The following MCTP1 variants were observed in gnomAD, a reference collection of about 807,000 sequenced individuals.
MCTP1 encodes multiple C2 and transmembrane domain containing 1.
MCTP1 carries 69 observed loss-of-function variants against 120.6 expected under a neutral mutation model. That is an observed-to-expected ratio of 0.57 (90% CI 0.47 to 0.70). The LOEUF (loss-of-function observed/expected upper bound fraction) is 0.70. Ranked by LOEUF, MCTP1 falls within the 30% of genes least tolerant of loss-of-function variation. The probability of loss-of-function intolerance (pLI) is 0.00; values close to 1 mark genes in which losing one functional copy is unlikely to be tolerated. For missense variants in MCTP1, 1,203 were observed against 1,248.8 expected (o/e 0.96, Z 0.55); for synonymous variants, 529 against 493.1 (o/e 1.07, Z -0.96).
chr5:94,890,004 AT>A (rs572313939), intron 11 of MCTP1, among the ~76,000 whole-genome samples: 188 of 152,110 alleles, frequency 1.2e-3, no homozygotes, highest in African/African-American at 4.3e-3. Flanking sequence ...TTTAAAATTT[AT>A]TTTTATTTTT....
chr5:94,938,992 G>A (rs1816884132), intron 5 of MCTP1, among the ~76,000 whole-genome samples: 1 of 151,950 alleles, frequency 6.6e-6, no homozygotes, highest in Admixed American at 6.6e-5. Context: ...TTATTATCTG[G>A]CAATTCTTAT....
chr5:94,748,652 C>CA (rs565272838), intron 19 of MCTP1, among the ~76,000 whole-genome samples: 71 of 152,322 alleles, frequency 4.7e-4, no homozygotes, highest in Non-Finnish European at 7.9e-4. Flanking sequence ...ATATAGTTAA[C>CA]ATTGCCTTGC....
rs1050743083 is a variant in MCTP1, at chr5:95,283,877, G to T, written c.699C>A (p.Gly233=). 5 of 1,377,208 alleles carry T rather than the reference G, an allele frequency of 3.6e-6. No homozygotes were observed. The highest frequency in any genetic ancestry group is 3.7e-6 in the Non-Finnish European group (4 of 1,074,632). The allele number at this position is 1,377,208 out of a possible 1,614,324, so 85.3% of individuals were successfully genotyped here. Residue 233 remains glycine, a synonymous_variant, in exon 1 of 23, where the codon GGC becomes GGA. Coordinates refer to ENST00000515393, the MANE Select transcript of MCTP1 (RefSeq NM_024717.7). ...TCACCTGGCTGCTGCCGTGCTCCTC[G>T]CCCGTCTCCGGGGCCCGAGACTCCG... ...SPAESRAPET[G]EEHGSSQKII...
chr5:94,883,301 C>T (rs1436288885), intron 12 of MCTP1, among the ~76,000 whole-genome samples: 1 of 152,116 alleles, frequency 6.6e-6, no homozygotes, highest in African/African-American at 2.4e-5. Flanking sequence ...AAAATGTCTT[C>T]TCATGGTACA....
chr5:95,133,792 G>A (rs1280362228), intron 1 of MCTP1, among the ~76,000 whole-genome samples: 1 of 152,228 alleles, frequency 6.6e-6, no homozygotes, highest in African/African-American at 2.4e-5. Flanking sequence ...ACTGGAAAGT[G>A]AAGCCACAGA....
chr5:95,257,765 G>A (rs138960103), intron 1 of MCTP1, among the ~76,000 whole-genome samples: 396 of 137,596 alleles, frequency 2.9e-3, no homozygotes, highest in African/African-American at 0.011. Context: ...TAATGGGACC[G>A]TAAAGAAGGA....
At chr5:94,726,092 T>C (rs1177393981) in intron 19 of MCTP1, among the ~76,000 whole-genome samples, 1 of 152,196 alleles carries the variant, frequency 6.6e-6, no homozygotes, top group African/African-American at 2.4e-5. Flanking sequence ...ACGAGGGTGA[T>C]GGATATTATT....
At chr5:95,215,408 A>G (rs531757535) in intron 1 of MCTP1, among the ~76,000 whole-genome samples, 13 of 152,326 alleles carry the variant, frequency 8.5e-5, no homozygotes, top group South Asian at 4.1e-4. Flanking sequence ...TCATAAGAGA[A>G]TGTCATTTTA....
chr5:95,171,571 T>C (rs1747294769), intron 1 of MCTP1, among the ~76,000 whole-genome samples: 1 of 152,252 alleles, frequency 6.6e-6, no homozygotes, highest in South Asian at 2.1e-4. Flanking sequence ...ATTTGGTCTT[T>C]TCGCATAGTC....
chr5:94,850,315 G>A (rs945059916), intron 17 of MCTP1, among the ~76,000 whole-genome samples: 13 of 152,122 alleles, frequency 8.5e-5, no homozygotes, highest in Non-Finnish European at 1.5e-4. Context: ...TAAGTAATCG[G>A]TAGGCTACAA....
At chr5:95,061,670 C>T (rs1749269243) in intron 1 of MCTP1, among the ~76,000 whole-genome samples, 1 of 151,578 alleles carries the variant, frequency 6.6e-6, no homozygotes. Flanking sequence ...CTCCTGACCT[C>T]GTGATCCGCC....
intron 2 of MCTP1, among the ~76,000 whole-genome samples, chr5:94,968,157 A>G (rs1826014162): frequency 6.6e-6 from 1 of 152,210 alleles, no homozygotes; most frequent in Non-Finnish European, 1.5e-5. Context: ...AAGTGTTTTT[A>G]CCAAGTATAT....
intron 1 of MCTP1, among the ~76,000 whole-genome samples, chr5:95,071,410 A>G (rs1398598654): frequency 6.6e-6 from 1 of 152,176 alleles, no homozygotes. Context: ...GGGAAACAAA[A>G]AGTAACTCTA....
chr5:95,150,676 C>T (rs1381468584), intron 1 of MCTP1, among the ~76,000 whole-genome samples: 2 of 152,108 alleles, frequency 1.3e-5, no homozygotes, highest in African/African-American at 2.4e-5. Context: ...GGCATTCTTT[C>T]AAAGAAAGTG....
chr5:95,008,240 CA>C (rs1209498791), intron 2 of MCTP1, among the ~76,000 whole-genome samples: 17 of 151,994 alleles, frequency 1.1e-4, no homozygotes, highest in Non-Finnish European at 2.2e-4. Flanking sequence ...CATAAAATGA[CA>C]AAAAAAGAAG....
intron 3 of MCTP1, among the ~76,000 whole-genome samples, chr5:94,945,963 C>T (rs1030465162): frequency 6.6e-6 from 1 of 152,100 alleles, no homozygotes; most frequent in Non-Finnish European, 1.5e-5. Flanking sequence ...AGGCTTAGGC[C>T]GTGGGGCCTA....
chr5:95,138,074 G>A (rs1464185617), intron 1 of MCTP1, among the ~76,000 whole-genome samples: 1 of 151,996 alleles, frequency 6.6e-6, no homozygotes, highest in Non-Finnish European at 1.5e-5. Flanking sequence ...TCAATAGGAA[G>A]TGTTTTTCTC....
chr5:95,053,635 G>A (rs775437222), intron 1 of MCTP1, among the ~76,000 whole-genome samples: 59 of 152,106 alleles, frequency 3.9e-4, no homozygotes, highest in Admixed American at 2.4e-3. Context: ...AGGAGAAACC[G>A]AAGGAAACTC....
At chr5:95,168,852 A>G (rs970142959) in intron 1 of MCTP1, among the ~76,000 whole-genome samples, 1 of 152,158 alleles carries the variant, frequency 6.6e-6, no homozygotes, top group East Asian at 1.9e-4. Flanking sequence ...AACAGGGACA[A>G]TTTGACTTCC....
Sources: gnomAD v4.1 joint callset for allele counts (sites outside exome capture counted in the v4.1 genomes callset) on GRCh38, gnomAD v4.1.1 for gene constraint, MANE v1.5 for transcripts, NCBI Gene and HGNC (gene_info 2026-07-23, HGNC 2026-07-21) for gene names.